The following BRIP1 variants were observed in gnomAD, a reference collection of about 807,000 sequenced individuals.
BRIP1 encodes the protein Fanconi anemia group J protein.
In BRIP1, 88 loss-of-function variants were observed where a neutral mutation model predicts 119.7. The ratio of observed to expected loss-of-function variants is 0.74; its 90% CI spans 0.62 to 0.88. The LOEUF is 0.88. Among genes scored for constraint, BRIP1 ranks in the 40% least tolerant of loss-of-function variants. BRIP1 has a pLI of 0.00. For missense variants in BRIP1, 1,259 were observed against 1,455.4 expected, an observed-to-expected ratio of 0.87 and a Z score of 2.20; for synonymous variants, 443 against 496.5, an observed-to-expected ratio of 0.89 and a Z score of 1.43.
At position 61,814,899 on chromosome 17, in the gene BRIP1, T is replaced by C. The variant is rs1330672986; in HGVS notation, c.628-6142A>G. Among the ~76,000 whole-genome samples, 2 of 152,060 alleles carry C rather than the reference T, an allele frequency of 1.3e-5. No homozygotes were observed. The highest frequency in any genetic ancestry group is 2.9e-5 in the Non-Finnish European group (2 of 67,934). On this transcript the variant is annotated intron_variant, in intron 6 of 19. Coordinates refer to ENST00000259008, the MANE Select transcript of BRIP1 (RefSeq NM_032043.3). This position sits in a 1 kb window ranked among gnomAD's most constrained non-coding sequence, Gnocchi z 4.9. ...AATGAAAATATATGAATGACAGTTG[T>C]ATGCATCGACATCGATAAACATGAA...
In BRIP1 at chr17:61,708,121, T is replaced by C. The variant is rs1446419280; in HGVS notation, c.2492+7830A>G. ...AGAGGATTAAGGAAAAAACAAAAAA[T>C]ATGTGACAGAGACTGTATGTAGCCT... On this transcript the variant is annotated intron_variant, in intron 17 of 19. Coordinates refer to ENST00000259008, the MANE Select transcript of BRIP1 (RefSeq NM_032043.3). The surrounding 1 kb of genome is among the most constrained non-coding windows in gnomAD (Gnocchi z 4.4). Among the ~76,000 whole-genome samples, 1 of 152,110 alleles carries C rather than the reference T, an allele frequency of 6.6e-6. No individual in the cohort carries two copies. Among genetic ancestry groups the C allele is most frequent in the Non-Finnish European group, 1.5e-5 (1 of 68,006 alleles).
chr17:61,731,794 C>T (rs2076846792), intron 16 of BRIP1, among the ~76,000 whole-genome samples: 1 of 151,584 alleles, frequency 6.6e-6, no homozygotes, highest in East Asian at 1.9e-4. Context: ...TTCTTCATTA[C>T]ATTAATGTCA....
In BRIP1 at chr17:61,686,838, T is replaced by C. The variant is rs939960196; in HGVS notation, c.2576-673A>G. Among the ~76,000 whole-genome samples the C allele has an allele frequency of 3.9e-5, 6 of 152,150 alleles. No individual in the cohort carries two copies. Among genetic ancestry groups the C allele is most frequent in the African/African-American group, 1.4e-4 (6 of 41,436 alleles). On this transcript the variant is annotated intron_variant, in intron 18 of 19. Coordinates refer to ENST00000259008, the MANE Select transcript of BRIP1 (RefSeq NM_032043.3). This position sits in a 1 kb window ranked among gnomAD's most constrained non-coding sequence, Gnocchi z 5.4. ...TAAGGTGTTTTCTAGTATGGTGTGC[T>C]TCCAAATGAAATGCAAAATCAGGTA...
Position 61,813,662 on chromosome 17 carries a change from C to A in BRIP1, c.628-4905G>T, listed in dbSNP as rs142277194. ...TATTTTAGTCGTGACAAACATATAT[C>A]CCAATATTTTCATTAGTAATAATAC... On this transcript the variant is annotated intron_variant, in intron 6 of 19. Coordinates refer to ENST00000259008, the MANE Select transcript of BRIP1 (RefSeq NM_032043.3). Among the ~76,000 whole-genome samples, 1,019 of 152,088 alleles carry A rather than the reference C, an allele frequency of 6.7e-3. 5 individuals are homozygous for A. Among genetic ancestry groups the A allele is most frequent in the Non-Finnish European group, 9.9e-3 (674 of 67,876 alleles).
Position 61,744,880 on chromosome 17 carries a change from A to G in BRIP1, c.2098-289T>C, listed in dbSNP as rs924114732. ...TACTGCTACTACTACTATTACTACT[A>G]CTACTTCTACTATTATCTTGGCAAT... On this transcript the variant is annotated intron_variant, in intron 14 of 19. Coordinates refer to ENST00000259008, the MANE Select transcript of BRIP1 (RefSeq NM_032043.3). This position sits in a 1 kb window ranked among gnomAD's most constrained non-coding sequence, Gnocchi z 5.0. 2.0e-5 allele frequency among the ~76,000 whole-genome samples: 3 copies of G among 151,490 alleles called. No individual in the cohort carries two copies. The highest frequency in any genetic ancestry group is 6.6e-5 in the Admixed American group (1 of 15,164).
At position 61,767,593 on chromosome 17, in the gene BRIP1, C is replaced by A. The variant is rs1337149235; in HGVS notation, c.2097+8808G>T. On this transcript the variant is annotated intron_variant, in intron 14 of 19. Transcript: ENST00000259008. The surrounding 1 kb of genome is among the most constrained non-coding windows in gnomAD (Gnocchi z 5.7). The stretch of plus-strand genomic sequence containing the variant: ...CTAGACTTCTACCATATGTTTCTTT[C>A]TTTCTTTTTGATTTTTAGTAGAGAT... 6.6e-6 allele frequency among the ~76,000 whole-genome samples: 1 copy of A among 151,904 alleles called. No individual in the cohort carries two copies. Among genetic ancestry groups the A allele is most frequent in the African/African-American group, 2.4e-5 (1 of 41,396 alleles).
rs2078599077 is a variant in BRIP1 at position 61,837,918 on chromosome 17, A to G, written c.627+9183T>C. ...AGGAGACTAGAAATGATAGAAAAAT[A>G]AAGAGACAACAATCTACTTCTCCAA... On this transcript the variant is annotated intron_variant, in intron 6 of 19. Transcript: ENST00000259008. Among the ~76,000 whole-genome samples the G allele has an allele frequency of 2.6e-5, 4 of 152,288 alleles. No individual in the cohort carries two copies. The South Asian group carries it at 8.3e-4, about 32-fold the overall frequency.
Position 61,784,366 on chromosome 17 carries a change from T to G in BRIP1, c.1532A>C (p.Glu511Ala). Residue 511 changes from glutamate (E) to alanine (A), a missense_variant, in exon 11 of 20, where the codon GAG (glutamate) becomes GCG (alanine). This residue lies in a region of BRIP1 where 753 missense variants were observed against 891.8 expected (regional missense o/e 0.84). Coordinates refer to ENST00000259008, the MANE Select transcript of BRIP1 (RefSeq NM_032043.3). ...EEKISPIYGK[E>A]EAREVPVISA... ...AATAACAGGTACTTCTCTTGCCTCCTCTTTACCATAAATTGGTGAGATTTT... is the reference window on the plus strand; with the variant it reads ...AATAACAGGTACTTCTCTTGCCTCCGCTTTACCATAAATTGGTGAGATTTT... 1 of 1,613,468 alleles carries G rather than the reference T, an allele frequency of 6.2e-7. No individual in the cohort carries two copies. Among genetic ancestry groups the G allele is most frequent in the Middle Eastern group, 1.7e-4 (1 of 6,020 alleles).
rs570493018 is a variant in BRIP1, at chr17:61,824,965, A to G, written c.628-16208T>C. Among the ~76,000 whole-genome samples the G allele has an allele frequency of 6.6e-6, 1 of 152,202 alleles. No homozygotes were observed. Among genetic ancestry groups the G allele is most frequent in the Non-Finnish European group, 1.5e-5 (1 of 68,026 alleles). ...TCATACTGAATGAGCAAAAGCTAGA[A>G]GCATTTCCCCTGAAAACCAGCACAA... is the stretch of plus-strand genomic sequence containing the variant. On this transcript the variant is annotated intron_variant, in intron 6 of 19. Transcript: ENST00000259008. The surrounding 1 kb of genome is among the most constrained non-coding windows in gnomAD (Gnocchi z 4.3).
In BRIP1 at chr17:61,743,021, C is replaced by A. The variant is rs1289778155; in HGVS notation, c.2371G>T (p.Asp791Tyr). Residue 791 changes from aspartate to tyrosine, a missense_variant, in exon 16 of 20, where the codon GAT becomes TAT. Around this residue, in one of 3 missense-constraint regions of BRIP1, gnomAD observed 753 missense variants for 891.8 expected, o/e 0.84. Transcript: ENST00000259008. This position sits in a 1 kb window ranked among gnomAD's most constrained non-coding sequence, Gnocchi z 4.3. ...TIGIPFPNVK[D>Y]LQVELKRQYN... Reference sequence around the variant, plus strand: ...AGGTTTTGATGGCCTACCTGTAGATCTTTCACATTTGGAAAAGGAATTCCT... The same window carrying A: ...AGGTTTTGATGGCCTACCTGTAGATATTTCACATTTGGAAAAGGAATTCCT... 1 of 1,613,822 alleles carries A rather than the reference C, an allele frequency of 6.2e-7. No homozygotes were observed. Among genetic ancestry groups the A allele is most frequent in the Non-Finnish European group, 8.5e-7 (1 of 1,179,916 alleles).
chr17:61,772,425 T>C (rs1409298138), intron 14 of BRIP1, among the ~76,000 whole-genome samples: 2 of 151,602 alleles, frequency 1.3e-5, no homozygotes, highest in African/African-American at 2.4e-5. Flanking sequence ...GGGAGTTATT[T>C]TGTGGGAACA....
chr17:61,802,346 G>C lies in BRIP1; in HGVS notation c.919-872C>G, dbSNP rs946530635. The stretch of plus-strand genomic sequence containing the variant: ...TTGGTGGCGTACATCAATGGTCCTA[G>C]CTACTCAGGAAGCTGAGGCAGGAGG... On this transcript the variant is annotated intron_variant, in intron 7 of 19. Coordinates refer to ENST00000259008, the MANE Select transcript of BRIP1 (RefSeq NM_032043.3). This position sits in a 1 kb window ranked among gnomAD's most constrained non-coding sequence, Gnocchi z 6.0. Among the ~76,000 whole-genome samples, 3 of 152,122 alleles carry C rather than the reference G, an allele frequency of 2.0e-5. No homozygotes were observed. Among genetic ancestry groups the C allele is most frequent in the African/African-American group, 7.2e-5 (3 of 41,418 alleles).
chr17:61,792,094 G>A (rs1345256588), intron 10 of BRIP1, among the ~76,000 whole-genome samples: 1 of 152,218 alleles, frequency 6.6e-6, no homozygotes, highest in Non-Finnish European at 1.5e-5. Flanking sequence ...AAGAGACAAA[G>A]TCTTGCTATG....
rs753341573 is a variant in BRIP1 at position 61,705,254 on chromosome 17, C to T, written c.2492+10697G>A. Among the ~76,000 whole-genome samples the T allele has an allele frequency of 4.6e-5, 7 of 152,066 alleles. No individual in the cohort carries two copies. The highest frequency in any genetic ancestry group is 6.6e-5 in the Admixed American group (1 of 15,246). On this transcript the variant is annotated intron_variant, in intron 17 of 19. Transcript: ENST00000259008. The surrounding 1 kb of genome is among the most constrained non-coding windows in gnomAD (Gnocchi z 5.0). ...ATGGCCTCCAGTTGCATCCATGTTG[C>T]GGCAAGGACATGATTTCATTCTTTT...
intron 16 of BRIP1, among the ~76,000 whole-genome samples, chr17:61,721,954 C>A (rs1450169662): frequency 6.6e-6 from 1 of 151,708 alleles, no homozygotes; most frequent in Non-Finnish European, 1.5e-5. Context: ...GTCTCGAACT[C>A]CTGATCTCAG....
In BRIP1 at chr17:61,845,516, A is replaced by G. The variant is rs757359460; in HGVS notation, c.627+1585T>C. ...TGTAATATCACCAATTTCATCAGAA[A>G]AGTCTGTAGTTATCACAAAGCTGCC... On this transcript the variant is annotated intron_variant, in intron 6 of 19. Coordinates refer to ENST00000259008, the MANE Select transcript of BRIP1 (RefSeq NM_032043.3). The surrounding 1 kb of genome is among the most constrained non-coding windows in gnomAD (Gnocchi z 4.2). Among the ~76,000 whole-genome samples, 2 of 152,240 alleles carry G rather than the reference A, an allele frequency of 1.3e-5. No individual in the cohort carries two copies. The highest frequency in any genetic ancestry group is 2.9e-5 in the Non-Finnish European group (2 of 68,042).
In BRIP1 at chr17:61,705,555, T is replaced by C. The variant is rs1005951838; in HGVS notation, c.2492+10396A>G. ...CATTATTTTTGTTACAATTCATCAA[T>C]TTATACTTGTTTTTATTACTCCTTT... On this transcript the variant is annotated intron_variant, in intron 17 of 19. Transcript: ENST00000259008. This position sits in a 1 kb window ranked among gnomAD's most constrained non-coding sequence, Gnocchi z 5.0. Among the ~76,000 whole-genome samples, 4 of 152,204 alleles carry C rather than the reference T, an allele frequency of 2.6e-5. No homozygotes were observed. The highest frequency in any genetic ancestry group is 5.9e-5 in the Non-Finnish European group (4 of 68,010).
At chr17:61,811,493 G>A (rs2078161474) in intron 6 of BRIP1, among the ~76,000 whole-genome samples, 1 of 151,920 alleles carries the variant, frequency 6.6e-6, no homozygotes, top group Non-Finnish European at 1.5e-5. Context: ...GAAGTGCTGG[G>A]ATTACAGGTG....
chr17:61,838,768 A>T (rs887562672), intron 6 of BRIP1, among the ~76,000 whole-genome samples: 1 of 151,688 alleles, frequency 6.6e-6, no homozygotes, highest in Non-Finnish European at 1.5e-5. Flanking sequence ...AAAAGCAAAA[A>T]TAAAAAAATA....
Sources: gnomAD v4.1 joint callset for allele counts (sites outside exome capture counted in the v4.1 genomes callset) on GRCh38, gnomAD v4.1.1 for gene constraint, gnomAD v4.1.1 regional missense constraint, Gnocchi (gnomAD v3.1) non-coding constraint, MANE v1.5 for transcripts, NCBI Gene and HGNC (gene_info 2026-07-23, HGNC 2026-07-21) for gene names.